The following TTLL7 variants were observed in gnomAD, a reference collection of about 807,000 sequenced individuals.
The protein encoded by TTLL7 is tubulin tyrosine ligase like 7.
In TTLL7, 53 loss-of-function variants were observed where a neutral mutation model predicts 120.2. The ratio of observed to expected loss-of-function variants is 0.44; its 90% CI spans 0.35 to 0.55. The LOEUF is 0.55. TTLL7 is among the 20% of genes least tolerant of loss of function. The probability of loss-of-function intolerance (pLI) is 0.00; values close to 1 mark genes in which losing one functional copy is unlikely to be tolerated. For synonymous variants in TTLL7, 353 were observed against 351.7 expected, an observed-to-expected ratio of 1.00 and a Z score of -0.04; for missense variants, 803 against 1,054.7, an observed-to-expected ratio of 0.76 and a Z score of 3.31.
At chr1:83,873,138 G>A (rs755514793) in intron 20 of TTLL7, among the ~76,000 whole-genome samples, 13 of 151,972 alleles carry the variant, frequency 8.6e-5, no homozygotes, top group Non-Finnish European at 1.5e-4. Flanking sequence ...TATATATGCC[G>A]CAAACCTAAA....
In TTLL7 at chr1:83,890,488, G is replaced by A. The variant is rs771950700; in HGVS notation, c.2209-7C>T. ...TTTTCACTATGTCCAAAACCTAGTG[G>A]AAAAACCAAAGTACTTACAATCTAG... is the stretch of plus-strand genomic sequence containing the variant. On this transcript the variant is annotated splice_polypyrimidine_tract_variant and splice_region_variant and intron_variant, in intron 18 of 20. Transcript: ENST00000260505. The A allele has an allele frequency of 6.2e-7, 1 of 1,604,424 alleles. No individual in the cohort carries two copies.
At chr1:83,921,695 C>A (rs1023812084) in intron 10 of TTLL7, among the ~76,000 whole-genome samples, 1 of 152,068 alleles carries the variant, frequency 6.6e-6, no homozygotes, top group African/African-American at 2.4e-5. Context: ...CAATCTTGGG[C>A]TGGTCAATTA....
chr1:83,992,693 A>G (rs1653109624), intron 1 of TTLL7, among the ~76,000 whole-genome samples: 1 of 152,138 alleles, frequency 6.6e-6, no homozygotes, highest in African/African-American at 2.4e-5. Context: ...GATGCTAAAA[A>G]AAATTGTCAT....
At chr1:83,874,618 A>T (rs1653748474) in intron 20 of TTLL7, among the ~76,000 whole-genome samples, 1 of 152,070 alleles carries the variant, frequency 6.6e-6, no homozygotes, top group African/African-American at 2.4e-5. Flanking sequence ...CAACTTCTCC[A>T]CATCCACATC....
intron 7 of TTLL7, among the ~76,000 whole-genome samples, chr1:83,942,100 C>T (rs1217045270): frequency 2.0e-5 from 3 of 152,170 alleles, no homozygotes; most frequent in Non-Finnish European, 4.4e-5. Context: ...ACTGTCTCAA[C>T]ACAGCTCCAA....
chr1:83,951,222 G>A (rs535321538), intron 3 of TTLL7, among the ~76,000 whole-genome samples: 68 of 152,104 alleles, frequency 4.5e-4, no homozygotes, highest in Non-Finnish European at 7.4e-4. Flanking sequence ...GGTGGCGGGC[G>A]CCTGTAGTCC....
In TTLL7 at chr1:83,931,470, C is replaced by T. The variant is rs369721430; in HGVS notation, c.1047+2138G>A. On this transcript the variant is annotated intron_variant, in intron 9 of 20. Transcript: ENST00000260505. ...CTCAGGTGTTTCTTCTGTAAAGATT[C>T]TTTTTAACTCTCCGATACACACAGG... is the stretch of plus-strand genomic sequence containing the variant. 4.2e-4 allele frequency among the ~76,000 whole-genome samples: 64 copies of T among 151,562 alleles called. 1 individual carries two copies. In the South Asian group the frequency reaches 0.013, roughly 30 times the overall value.
At chr1:83,955,735 G>A (rs1287158745) in intron 1 of TTLL7, among the ~76,000 whole-genome samples, 4 of 152,132 alleles carry the variant, frequency 2.6e-5, no homozygotes, top group Admixed American at 6.5e-5. Context: ...AATTAGCCAG[G>A]CACCATGGCT....
chr1:83,909,385 T>A (rs561104487), intron 15 of TTLL7, among the ~76,000 whole-genome samples: 13 of 150,310 alleles, frequency 8.6e-5, no homozygotes, highest in Non-Finnish European at 5.9e-5. Flanking sequence ...AACTTGCATA[T>A]CCCTTTGAAG....
intron 19 of TTLL7, among the ~76,000 whole-genome samples, chr1:83,888,760 C>T (rs1354793187): frequency 2.6e-5 from 4 of 151,542 alleles, no homozygotes; most frequent in African/African-American, 9.7e-5. Context: ...AGAAGGAAGA[C>T]TGGGGAAATA....
chr1:83,992,546 C>G (rs1653096126), intron 1 of TTLL7, among the ~76,000 whole-genome samples: 1 of 152,088 alleles, frequency 6.6e-6, no homozygotes, highest in African/African-American at 2.4e-5. Context: ...CTAAAACAGG[C>G]AGCTATAGAC....
chr1:83,933,349 C>T (rs1259592839), intron 9 of TTLL7, among the ~76,000 whole-genome samples: 1 of 152,142 alleles, frequency 6.6e-6, no homozygotes, highest in Non-Finnish European at 1.5e-5. Context: ...ACAGTAAAAG[C>T]ACCTCCACAC....
At chr1:83,986,840 A>AT (rs1205947294) in intron 1 of TTLL7, among the ~76,000 whole-genome samples, 2 of 151,526 alleles carry the variant, frequency 1.3e-5, no homozygotes, top group African/African-American at 2.4e-5. Context: ...ACTCCATCTC[A>AT]AAAAAAAAGA....
intron 4 of TTLL7, chr1:83,949,511 G>C (rs1648830519): frequency 9.8e-6 from 2 of 205,000 alleles, no homozygotes; most frequent in African/African-American, 4.8e-5. Context: ...ATTTTTAGTA[G>C]AGATGGGGTT....
At chr1:83,965,301 A>T (rs1252225152) in intron 1 of TTLL7, among the ~76,000 whole-genome samples, 2 of 152,048 alleles carry the variant, frequency 1.3e-5, no homozygotes, top group Non-Finnish European at 2.9e-5. Context: ...GTTTCTCCAC[A>T]CTTGTTCTTG....
At chr1:83,998,718 C>T (rs1653714092) in intron 1 of TTLL7, among the ~76,000 whole-genome samples, 1 of 152,112 alleles carries the variant, frequency 6.6e-6, no homozygotes, top group Non-Finnish European at 1.5e-5. Context: ...CCTCTCCCTC[C>T]CCCATTCTGC....
intron 20 of TTLL7, among the ~76,000 whole-genome samples, chr1:83,874,540 A>G (rs1046323927): frequency 1.3e-5 from 2 of 152,026 alleles, no homozygotes; most frequent in Non-Finnish European, 2.9e-5. Flanking sequence ...AATTTTTTAG[A>G]AACTCTCAAA....
At chr1:83,920,022 T>C (rs1247790592) in intron 12 of TTLL7, among the ~76,000 whole-genome samples, 188 bp from the exon 13 acceptor site, 1 of 152,182 alleles carries the variant, frequency 6.6e-6, no homozygotes, top group African/African-American at 2.4e-5. Context: ...AACTGATAAC[T>C]GGCCTAATAG....
At chr1:83,978,124 C>T (rs1179498721) in intron 1 of TTLL7, among the ~76,000 whole-genome samples, 2 of 151,898 alleles carry the variant, frequency 1.3e-5, no homozygotes, top group Non-Finnish European at 2.9e-5. Flanking sequence ...ATCTCACCTA[C>T]CAAATGTAAA....
Sources: gnomAD v4.1 joint callset for allele counts (sites outside exome capture counted in the v4.1 genomes callset) on GRCh38, gnomAD v4.1.1 for gene constraint, MANE v1.5 for transcripts, NCBI Gene and HGNC (gene_info 2026-07-23, HGNC 2026-07-21) for gene names.